Variants in TRIM2 observed in about 807,000 individuals in gnomAD.
TRIM2 encodes the protein tripartite motif-containing protein 2.
A neutral mutation model predicts 75.2 loss-of-function variants in TRIM2; 20 were observed. The observed-to-expected ratio is 0.27, with a 90% CI of 0.19 to 0.39. The LOEUF is 0.39. Among genes scored for constraint, TRIM2 ranks in the 10% least tolerant of loss-of-function variants. The probability of loss-of-function intolerance (pLI) is 1.00; values close to 1 mark genes in which losing one functional copy is unlikely to be tolerated. For synonymous variants in TRIM2, 373 were observed against 388.3 expected (o/e 0.96, Z 0.46); for missense variants, 660 against 990.8 (o/e 0.67, Z 4.48).
intron 1 of TRIM2, among the ~76,000 whole-genome samples, chr4:153,193,661 G>T (rs553928195): frequency 1.3e-5 from 2 of 152,174 alleles, no homozygotes; most frequent in Non-Finnish European, 2.9e-5. Flanking sequence ...AAACATAGGC[G>T]CAGTCATGAA....
At chr4:153,233,737 C>T (rs1744265747) in intron 1 of TRIM2, among the ~76,000 whole-genome samples, 1 of 152,034 alleles carries the variant, frequency 6.6e-6, no homozygotes, top group South Asian at 2.1e-4. Context: ...TCCTCTCTTC[C>T]TATGAAGTAG....
upstream of TRIM2, among the ~76,000 whole-genome samples, chr4:153,202,115 TAATATA>T (rs1734429413): frequency 6.6e-6 from 1 of 152,214 alleles, no homozygotes; most frequent in African/African-American, 2.4e-5. Flanking sequence ...ATTTTCAAAC[TAATATA>T]GATTAGAAAG....
intron 6 of TRIM2, among the ~76,000 whole-genome samples, chr4:153,298,897 C>T (rs1033244651): frequency 2.0e-5 from 3 of 152,008 alleles, no homozygotes; most frequent in African/African-American, 7.2e-5. Flanking sequence ...CCAAGCCCAG[C>T]TAATTTTTGT....
At chr4:153,221,647 C>T (rs80229562) in intron 1 of TRIM2, among the ~76,000 whole-genome samples, 111 of 151,070 alleles carry the variant, frequency 7.3e-4, no homozygotes, top group African/African-American at 2.6e-3. Context: ...GTATTCTCAG[C>T]CTTGTGACAG....
At chr4:153,303,693 T>G (rs1447301838) in intron 6 of TRIM2, among the ~76,000 whole-genome samples, 2 of 152,274 alleles carry the variant, frequency 1.3e-5, no homozygotes, top group African/African-American at 4.8e-5. Flanking sequence ...CTAAGCTTTT[T>G]GTAGCATTAA....
At chr4:153,273,313 C>T (rs368405002) in intron 2 of TRIM2, among the ~76,000 whole-genome samples, 3 of 120,056 alleles carry the variant, frequency 2.5e-5, no homozygotes, top group Non-Finnish European at 3.4e-5. Flanking sequence ...TCTCGCTCTG[C>T]CGCCCGGGCT....
intron 3 of TRIM2, among the ~76,000 whole-genome samples, chr4:153,283,764 G>C (rs909774907): frequency 6.7e-6 from 1 of 149,586 alleles, no homozygotes; most frequent in African/African-American, 2.5e-5. Context: ...AGCCTCCCAA[G>C]TAGCTGGGAC....
upstream of TRIM2, chr4:153,204,334 C>T: frequency 1.6e-6 from 1 of 614,582 alleles, no homozygotes. Context: ...GCAAACAGAG[C>T]CCAAAGAGGC....
chr4:153,289,698 A>G (rs1381909247), intron 3 of TRIM2, among the ~76,000 whole-genome samples: 2 of 152,202 alleles, frequency 1.3e-5, no homozygotes, highest in Non-Finnish European at 2.9e-5. Flanking sequence ...TCTAAATGCA[A>G]TGTGCACACT....
intron 8 of TRIM2, among the ~76,000 whole-genome samples, chr4:153,316,567 T>G (rs1032745957): frequency 2.0e-5 from 3 of 152,002 alleles, no homozygotes; most frequent in Non-Finnish European, 4.4e-5. Context: ...GTACATAATA[T>G]GGGACTTGGA....
At chr4:153,234,575 C>G (rs1214902819) in intron 1 of TRIM2, among the ~76,000 whole-genome samples, 1 of 152,156 alleles carries the variant, frequency 6.6e-6, no homozygotes, top group Non-Finnish European at 1.5e-5. Flanking sequence ...GTATGCAGAT[C>G]CTTTATGACC....
At chr4:153,246,307 T>G (rs1749123974) in intron 1 of TRIM2, among the ~76,000 whole-genome samples, 2 of 152,192 alleles carry the variant, frequency 1.3e-5, no homozygotes, top group South Asian at 4.1e-4. Flanking sequence ...GTGGTGTAAT[T>G]TGGCCAAAAT....
chr4:153,226,065 C>T (rs1240081897), intron 1 of TRIM2, among the ~76,000 whole-genome samples: 3 of 152,094 alleles, frequency 2.0e-5, no homozygotes, highest in Non-Finnish European at 2.9e-5. Flanking sequence ...GAGACAGTGG[C>T]TCACTGTGTT....
chr4:153,223,032 G>C (rs922835096), intron 1 of TRIM2: 1 of 152,272 alleles, frequency 6.6e-6, no homozygotes, highest in African/African-American at 2.4e-5. Flanking sequence ...GCGAGTCGCC[G>C]TCTCGTAGTA....
intron 1 of TRIM2, among the ~76,000 whole-genome samples, chr4:153,168,192 A>G (rs1295832790): frequency 3.3e-5 from 5 of 152,160 alleles, no homozygotes; most frequent in Admixed American, 1.3e-4. Context: ...ATTGTGCTAC[A>G]TTCATAAAAT....
intron 1 of TRIM2, among the ~76,000 whole-genome samples, chr4:153,195,957 G>A (rs1205040376): frequency 6.6e-6 from 1 of 152,146 alleles, no homozygotes; most frequent in African/African-American, 2.4e-5. Context: ...TTACTGGCGT[G>A]CACCATTATG....
intron 1 of TRIM2, among the ~76,000 whole-genome samples, chr4:153,193,532 G>C (rs1733449423): frequency 6.6e-6 from 1 of 152,154 alleles, no homozygotes; most frequent in Admixed American, 6.5e-5. Context: ...TATGGAGAAT[G>C]TATATAATGC....
chr4:153,296,876 C>G (rs955158678), intron 6 of TRIM2, among the ~76,000 whole-genome samples: 4 of 152,180 alleles, frequency 2.6e-5, no homozygotes, highest in African/African-American at 9.6e-5. Flanking sequence ...TTTAACAATG[C>G]AGTATCTCTG....
chr4:153,266,444 G>A (rs1755126930), intron 1 of TRIM2, among the ~76,000 whole-genome samples: 2 of 149,406 alleles, frequency 1.3e-5, no homozygotes, highest in Admixed American at 1.4e-4. Flanking sequence ...CCAGGTTCAA[G>A]CGATTCTCCT....
Sources: gnomAD v4.1 joint callset for allele counts (sites outside exome capture counted in the v4.1 genomes callset) on GRCh38, gnomAD v4.1.1 for gene constraint, MANE v1.5 for transcripts, NCBI Gene and HGNC (gene_info 2026-07-23, HGNC 2026-07-21) for gene names.